DDX23: variants seen among roughly 807,000 people sequenced by gnomAD.
DDX23 encodes DEAD-box helicase 23.
A neutral mutation model predicts 102.7 loss-of-function variants in DDX23; 33 were observed. The observed-to-expected ratio is 0.32, with a 90% confidence interval of 0.24 to 0.43. The LOEUF (loss-of-function observed/expected upper bound fraction) is 0.43. DDX23 is among the 20% of genes least tolerant of loss of function. The pLI is 1.00. For synonymous variants in DDX23, 352 were observed against 376.0 expected (o/e 0.94, Z 0.74); for missense variants, 549 against 1,086.6 (o/e 0.51, Z 6.96).
At chr12:48,835,912 C>T (rs890057083) in intron 11 of DDX23, among the ~76,000 whole-genome samples, 1 of 152,086 alleles carries the variant, frequency 6.6e-6, no homozygotes, top group African/African-American at 2.4e-5. Flanking sequence ...TAAAATAAAT[C>T]AGAGACTCCA....
Position 48,831,965 on chromosome 12 carries a change from G to A in DDX23, c.2064+113C>T, listed in dbSNP as rs562532970. ...TCACCCTGGTCCTAACTTGTTGATT[G>A]CTGGACAGGCTAAAGAAAGGGTGAG... On this transcript the variant is annotated intron_variant, in intron 15 of 16. Transcript: ENST00000308025. The A allele has an allele frequency of 1.3e-4, 124 of 960,558 alleles. 2 individuals carry two copies. In the South Asian group the frequency reaches 1.7e-3, roughly 13 times the overall value. The allele number at this position is 960,558 out of a possible 1,614,324, so 59.5% of individuals were successfully genotyped here. A position where few individuals can be genotyped will look rare whatever the true frequency, so the allele number is the denominator to read the frequency against.
Position 48,840,052 on chromosome 12 carries a change from C to T in DDX23, c.375G>A (p.Lys125=), listed in dbSNP as rs1261308771. The change falls in exon 4 of 17, where the codon AAG becomes AAA. Residue 125 remains lysine (K), a synonymous_variant. Coordinates refer to ENST00000308025, the MANE Select transcript of DDX23 (RefSeq NM_004818.3). ...CACCATGTTCATCCTCTTCATCCTT[C>T]TTAGAGTCTCTGTCCTTCCGAGATT... The part of the protein sequence containing the change: ...DFKSRKDRDS[K]KDEEDEHGDK... The T allele has an allele frequency of 1.9e-6, 3 of 1,614,094 alleles. No homozygotes were observed. In the East Asian group the frequency reaches 6.7e-5, roughly 36 times the overall value.
At position 48,832,726 on chromosome 12, in the gene DDX23, T is replaced by A; in HGVS notation, c.1804-153A>T. On this transcript the variant is annotated intron_variant, in intron 13 of 16. Coordinates refer to ENST00000308025, the MANE Select transcript of DDX23 (RefSeq NM_004818.3). This position sits in a 1 kb window ranked among gnomAD's most constrained non-coding sequence, Gnocchi z 4.4. ...ACCTTAGAAAATAGTGTCCTCTGAA[T>A]TCCCATCCTTCCTGAGTACCTGCTC... 1.1e-6 allele frequency: 1 copy of A among 927,172 alleles called. No homozygotes were observed. The highest frequency in any genetic ancestry group is 1.6e-6 in the Non-Finnish European group (1 of 643,636). 57.4% of individuals were successfully genotyped at this position (927,172 alleles called of 1,614,324 possible).
chr12:48,831,490 G>A (rs1592198990), intron 15 of DDX23, among the ~76,000 whole-genome samples, 174 bp from the exon 16 acceptor site: 1 of 152,194 alleles, frequency 6.6e-6, no homozygotes, highest in Admixed American at 6.5e-5. Flanking sequence ...GTGAGCTGAA[G>A]AGAGGGATGA....
At chr12:48,837,494 G>C (rs1396057375) in intron 7 of DDX23, 30 bp downstream of exon 7, 1 of 1,613,662 alleles carries the variant, frequency 6.2e-7, no homozygotes, top group Non-Finnish European at 8.5e-7. Context: ...TTGTGTGGGA[G>C]AGAAGTGAAG....
At chr12:48,848,703 G>T (rs138642678) in intron 1 of DDX23, among the ~76,000 whole-genome samples, 1,584 of 151,914 alleles carry the variant, frequency 0.01, 36 homozygotes, top group African/African-American at 0.035. Flanking sequence ...TCCTGCCTAG[G>T]CCTCCCAAGT....
intron 2 of DDX23, among the ~76,000 whole-genome samples, chr12:48,844,767 C>T (rs529831209): frequency 1.5e-4 from 23 of 151,744 alleles, no homozygotes; most frequent in African/African-American, 5.3e-4. Context: ...CAACCGCGCC[C>T]GGCCCCCTCT....
intron 11 of DDX23, among the ~76,000 whole-genome samples, chr12:48,835,390 T>A (rs753384735): frequency 2.0e-5 from 3 of 152,008 alleles, no homozygotes; most frequent in Non-Finnish European, 4.4e-5. Context: ...CTGGCCAACA[T>A]GGTGAAACCT....
chr12:48,841,722 C>A (rs1438437614), intron 3 of DDX23, among the ~76,000 whole-genome samples: 10 of 152,262 alleles, frequency 6.6e-5, no homozygotes, highest in African/African-American at 2.2e-4. Flanking sequence ...CTCGGCCTCC[C>A]GAGGTGCCGG....
chr12:48,845,371 C>T (rs1232999887), intron 2 of DDX23, among the ~76,000 whole-genome samples: 2 of 152,110 alleles, frequency 1.3e-5, no homozygotes, highest in Non-Finnish European at 1.5e-5. Flanking sequence ...AGGAGAATGG[C>T]GTGAACCTGC....
chr12:48,831,128 T>TC lies in DDX23; in HGVS notation c.2239+13dup. The TC allele has an allele frequency of 6.2e-7, 1 of 1,613,694 alleles. No homozygotes were observed. Among genetic ancestry groups the TC allele is most frequent in the African/African-American group, 1.3e-5 (1 of 75,036 alleles). The stretch of plus-strand genomic sequence containing the variant: ...ACTTCACCCTGGATTGAAGCTGCTT[T>TC]CCCTGGAACTTACCTTCAATATTTT... On this transcript the variant is annotated intron_variant, in intron 16 of 16. Transcript: ENST00000308025.
At position 48,839,980 on chromosome 12, in the gene DDX23, T is replaced by C. The variant is rs757241725; in HGVS notation, c.414+33A>G. The C allele has an allele frequency of 3.1e-6, 5 of 1,612,750 alleles. No individual in the cohort carries two copies. The African/African-American group carries it at 6.7e-5, about 22-fold the overall frequency. On this transcript the variant is annotated intron_variant, in intron 4 of 16. Coordinates refer to ENST00000308025, the MANE Select transcript of DDX23 (RefSeq NM_004818.3). The stretch of plus-strand genomic sequence containing the variant: ...AAAGATCAACAAAGCAACGCACGAG[T>C]TGAAGATGAAAAATATCCTTCCTCT...
chr12:48,842,024 C>A (rs1212195559), intron 3 of DDX23, among the ~76,000 whole-genome samples: 2 of 150,084 alleles, frequency 1.3e-5, no homozygotes, highest in Admixed American at 1.3e-4. Flanking sequence ...AGACCCTCTG[C>A]CTGACAACCG....
At chr12:48,842,143 G>A (rs1462098052) in intron 3 of DDX23, among the ~76,000 whole-genome samples, 2 of 150,726 alleles carry the variant, frequency 1.3e-5, no homozygotes, top group Non-Finnish European at 3.0e-5. Flanking sequence ...GAGCGTCTCC[G>A]CCCGGCAGCC....
intron 1 of DDX23, among the ~76,000 whole-genome samples, chr12:48,851,283 G>A (rs574579125): frequency 6.6e-6 from 1 of 152,150 alleles, no homozygotes; most frequent in Admixed American, 6.5e-5. Context: ...ACCAGCCTGG[G>A]GAACACGGTG....
Position 48,830,740 on chromosome 12 carries a change from G to A in DDX23, c.2240-48C>T. On this transcript the variant is annotated intron_variant, in intron 16 of 16. Coordinates refer to ENST00000308025, the MANE Select transcript of DDX23 (RefSeq NM_004818.3). This position sits in a 1 kb window ranked among gnomAD's most constrained non-coding sequence, Gnocchi z 4.9. ...CTCAGCATAGCCCAGATGCCCTGGGGAGCCGTGTCTGATGCCTCCACTTCT... is the reference window on the plus strand; with the variant it reads ...CTCAGCATAGCCCAGATGCCCTGGGAAGCCGTGTCTGATGCCTCCACTTCT... 6.5e-7 allele frequency: 1 copy of A among 1,535,022 alleles called. No homozygotes were observed. Among genetic ancestry groups the A allele is most frequent in the South Asian group, 1.3e-5 (1 of 79,162 alleles).
intron 1 of DDX23, among the ~76,000 whole-genome samples, chr12:48,851,706 G>A (rs965146745): frequency 1.3e-5 from 2 of 152,228 alleles, no homozygotes; most frequent in Non-Finnish European, 2.9e-5. Flanking sequence ...CCCGGCAAAA[G>A]AAATAATACG....
In DDX23 at chr12:48,833,430, C is replaced by T; in HGVS notation, c.1650G>A (p.Glu550=). The change falls in exon 13 of 17, where the codon GAG becomes GAA. Residue 550 remains glutamate (E), a synonymous_variant. Coordinates refer to ENST00000308025, the MANE Select transcript of DDX23 (RefSeq NM_004818.3). Reference sequence around the variant, plus strand: ...AGCCCATGTCAATCATCCTATCTGCCTCATCCAGAACCACATAGGTACAGC... The same window carrying T: ...AGCCCATGTCAATCATCCTATCTGCTTCATCCAGAACCACATAGGTACAGC... ...LSRCTYVVLD[E]ADRMIDMGFE... 2 of 1,614,214 alleles carry T rather than the reference C, an allele frequency of 1.2e-6. No homozygotes were observed. The highest frequency in any genetic ancestry group is 1.7e-6 in the Non-Finnish European group (2 of 1,180,050).
chr12:48,830,808 C>T lies in DDX23; in HGVS notation c.2240-116G>A. On this transcript the variant is annotated intron_variant, in intron 16 of 16. Transcript: ENST00000308025. This position sits in a 1 kb window ranked among gnomAD's most constrained non-coding sequence, Gnocchi z 4.9. ...CCCATCTCCAAAGGCAGGAATACAG[C>T]ACATGCTGCCTGAACCTGAGGCGCC... The T allele has an allele frequency of 1.8e-6, 2 of 1,120,364 alleles. No homozygotes were observed. Among genetic ancestry groups the T allele is most frequent in the Non-Finnish European group, 2.5e-6 (2 of 794,300 alleles). 69.4% of individuals were successfully genotyped at this position (1,120,364 alleles called of 1,614,324 possible).
Sources: gnomAD v4.1 joint callset for allele counts (sites outside exome capture counted in the v4.1 genomes callset) on GRCh38, gnomAD v4.1.1 for gene constraint, Gnocchi (gnomAD v3.1) non-coding constraint, MANE v1.5 for transcripts, NCBI Gene and HGNC (gene_info 2026-07-23, HGNC 2026-07-21) for gene names.